FBXW11: variants seen among roughly 807,000 people sequenced by gnomAD.
The protein encoded by FBXW11 is F-box and WD repeat domain containing 11.
A neutral mutation model predicts 77.6 loss-of-function variants in FBXW11; 19 were observed. That is an observed-to-expected ratio of 0.24 (90% CI 0.17 to 0.36). The LOEUF is 0.36. Among genes scored for constraint, FBXW11 ranks in the 10% least tolerant of loss-of-function variants. The pLI is 1.00. For synonymous variants in FBXW11, 235 were observed against 249.4 expected, an observed-to-expected ratio of 0.94 and a Z score of 0.54; for missense variants, 334 against 704.2, an observed-to-expected ratio of 0.47 and a Z score of 5.95.
chr5:171,949,975 C>A (rs1763219234), intron 2 of FBXW11, among the ~76,000 whole-genome samples: 1 of 152,020 alleles, frequency 6.6e-6, no homozygotes, highest in Non-Finnish European at 1.5e-5. Flanking sequence ...CAGAAGTATA[C>A]AAAGACTTAA....
chr5:171,996,846 G>A (rs949625919), intron 1 of FBXW11: 31 of 1,200,422 alleles, frequency 2.6e-5, no homozygotes, highest in African/African-American at 9.6e-5. Flanking sequence ...TTCTTTCAGC[G>A]AGTTGAGTTC....
chr5:171,957,946 G>A (rs1005630482), intron 1 of FBXW11, among the ~76,000 whole-genome samples: 15 of 152,330 alleles, frequency 9.8e-5, no homozygotes, highest in South Asian at 2.1e-4. Flanking sequence ...AAGAGGGACA[G>A]AGAGAATGTT....
chr5:171,909,561 G>A (rs1490189129), intron 4 of FBXW11, among the ~76,000 whole-genome samples: 3 of 152,222 alleles, frequency 2.0e-5, no homozygotes, highest in Non-Finnish European at 4.4e-5. Context: ...TAGTGGGGCA[G>A]GCTGAGGGAA....
At chr5:171,932,596 A>G (rs1353714888) in intron 2 of FBXW11, among the ~76,000 whole-genome samples, 1 of 152,178 alleles carries the variant, frequency 6.6e-6, no homozygotes, top group African/African-American at 2.4e-5. Flanking sequence ...TTTTGTAACT[A>G]TATTCACCCT....
At chr5:171,874,115 T>C (rs1474770392) in intron 9 of FBXW11, among the ~76,000 whole-genome samples, 1 of 152,232 alleles carries the variant, frequency 6.6e-6, no homozygotes, top group African/African-American at 2.4e-5. Context: ...GCAAATCATG[T>C]ATCTGATAAG....
chr5:171,986,713 T>C lies in FBXW11; in HGVS notation c.45+19745A>G, dbSNP rs568453470. Among the ~76,000 whole-genome samples, 60 of 141,454 alleles carry C rather than the reference T, an allele frequency of 4.2e-4. 3 individuals carry two copies. The South Asian group carries it at 0.013, about 30-fold the overall frequency. 92.8% of individuals were successfully genotyped at this position (141,454 alleles called of 152,430 possible). On this transcript the variant is annotated intron_variant, in intron 1 of 13. Transcript: ENST00000517395. ...CCGCACTCCAGCCTGGGCAACAGAG[T>C]GAGACTCCGTCTCAAAAAAAAAAGA...
At chr5:171,979,881 G>A (rs561814884) in intron 1 of FBXW11, among the ~76,000 whole-genome samples, 114 of 152,144 alleles carry the variant, frequency 7.5e-4, no homozygotes, top group Admixed American at 3.1e-3. Flanking sequence ...CCCTACTGCC[G>A]TGTCCAGTTT....
chr5:171,911,199 A>G (rs868866338), intron 3 of FBXW11, among the ~76,000 whole-genome samples: 1 of 152,234 alleles, frequency 6.6e-6, no homozygotes, highest in Non-Finnish European at 1.5e-5. Flanking sequence ...CTGATTATTA[A>G]CAGTTTGTTT....
At chr5:171,898,910 C>T in intron 6 of FBXW11, 94 bp downstream of exon 6, 1 of 686,600 alleles carries the variant, frequency 1.5e-6, no homozygotes, top group South Asian at 3.0e-5. Context: ...ATTATTAGTT[C>T]TACGATTTTA....
At chr5:171,877,208 C>T (rs755096791) in intron 8 of FBXW11, among the ~76,000 whole-genome samples, 4 of 152,040 alleles carry the variant, frequency 2.6e-5, no homozygotes, top group Non-Finnish European at 4.4e-5. Context: ...TTTGCAGGCT[C>T]GTGCTGATGG....
chr5:172,005,928 C>A (rs925013748), intron 1 of FBXW11, among the ~76,000 whole-genome samples: 19 of 152,272 alleles, frequency 1.2e-4, no homozygotes, highest in South Asian at 4.1e-4. Context: ...CCTGCCCCCC[C>A]AGCTCTGTAG....
At chr5:171,993,479 G>A (rs556275989) in intron 1 of FBXW11, among the ~76,000 whole-genome samples, 1 of 152,158 alleles carries the variant, frequency 6.6e-6, no homozygotes, top group East Asian at 1.9e-4. Context: ...TGGGTGTGGT[G>A]ATGCGTGCCT....
At chr5:171,948,584 A>AAAC (rs777984539) in intron 2 of FBXW11, among the ~76,000 whole-genome samples, 3 of 152,160 alleles carry the variant, frequency 2.0e-5, no homozygotes, top group Admixed American at 6.6e-5. Flanking sequence ...TTTAATTAAA[A>AAAC]AACAACAACA....
chr5:171,970,815 T>G (rs926265983), intron 1 of FBXW11, among the ~76,000 whole-genome samples: 3 of 152,220 alleles, frequency 2.0e-5, no homozygotes, highest in African/African-American at 7.2e-5. Flanking sequence ...TTCATATAGT[T>G]CATTGTTCTT....
intron 1 of FBXW11, among the ~76,000 whole-genome samples, chr5:171,969,051 C>A (rs776173990): frequency 6.6e-6 from 1 of 151,782 alleles, no homozygotes; most frequent in Non-Finnish European, 1.5e-5. Flanking sequence ...AGATGGATCA[C>A]GAGGTCAGGA....
chr5:171,924,690 A>C (rs1480170723), intron 2 of FBXW11, among the ~76,000 whole-genome samples: 1 of 152,094 alleles, frequency 6.6e-6, no homozygotes, highest in Non-Finnish European at 1.5e-5. Context: ...GGGCCAGGCC[A>C]GCCCAGGAGC....
chr5:171,954,089 C>G (rs1157082202), intron 2 of FBXW11, among the ~76,000 whole-genome samples: 2 of 152,204 alleles, frequency 1.3e-5, no homozygotes, highest in African/African-American at 4.8e-5. Flanking sequence ...ACACTCTCCC[C>G]CAGCTGAGGC....
chr5:171,973,515 T>TA lies in FBXW11; in HGVS notation c.46-15818dup, dbSNP rs1285834962. Among the ~76,000 whole-genome samples the TA allele has an allele frequency of 3.9e-5, 6 of 151,926 alleles. No homozygotes were observed. The East Asian group carries it at 9.6e-4, about 24-fold the overall frequency. On this transcript the variant is annotated intron_variant, in intron 1 of 13. Transcript: ENST00000517395. ...GTACTCCTCAAAACAGTCAAGGTCA[T>TA]AAAAAAAGAGGACAGTCTGAGAAAC...
chr5:171,881,973 T>C (rs1250715606), intron 7 of FBXW11, among the ~76,000 whole-genome samples: 1 of 152,228 alleles, frequency 6.6e-6, no homozygotes, highest in African/African-American at 2.4e-5. Flanking sequence ...TATGTTAGCA[T>C]AGCTAACGTA....
Sources: gnomAD v4.1 joint callset for allele counts (sites outside exome capture counted in the v4.1 genomes callset) on GRCh38, gnomAD v4.1.1 for gene constraint, MANE v1.5 for transcripts, NCBI Gene and HGNC (gene_info 2026-07-23, HGNC 2026-07-21) for gene names.